The following ITGAM variants were observed in gnomAD, a reference collection of about 807,000 sequenced individuals.
ITGAM encodes integrin subunit alpha M, also known as integrin alpha-M.
In ITGAM, 79 loss-of-function variants were observed where a neutral mutation model predicts 137.5. The observed-to-expected ratio is 0.57, with a 90% confidence interval of 0.48 to 0.69. The LOEUF is 0.69. Ranked by LOEUF, ITGAM falls within the 30% of genes least tolerant of loss-of-function variation. ITGAM has a pLI of 0.00. For synonymous variants in ITGAM, 583 were observed against 592.3 expected, an observed-to-expected ratio of 0.98 and a Z score of 0.23; for missense variants, 1,343 against 1,483.5, an observed-to-expected ratio of 0.91 and a Z score of 1.56.
In ITGAM at chr16:31,297,793, C is replaced by T. The variant is rs1300218488; in HGVS notation, c.1546C>T (p.Pro516Ser). 6.2e-7 allele frequency: 1 copy of T among 1,608,304 alleles called. No individual in the cohort carries two copies. The change falls in exon 14 of 30, where the codon CCC becomes TCC. Residue 516 changes from proline to serine, a missense_variant. Transcript: ENST00000544665. ...DAVLYGEQGQPWGRFGAALTV... is the reference protein window; with the variant it reads ...DAVLYGEQGQSWGRFGAALTV... ...TGTTCTCTACGGGGAGCAGGGCCAA[C>T]CCTGGGGCCGCTTTGGGGCAGCCCT...
chr16:31,272,014 A>G (rs1596978621), intron 7 of ITGAM, 22 bp downstream of exon 7: 2 of 1,613,742 alleles, frequency 1.2e-6, no homozygotes, highest in East Asian at 4.5e-5. Flanking sequence ...CTTTTCCCTT[A>G]GGATGGAGGG....
intron 14 of ITGAM, among the ~76,000 whole-genome samples, chr16:31,306,809 C>T (rs541302271): frequency 1.8e-4 from 27 of 152,134 alleles, no homozygotes; most frequent in African/African-American, 5.8e-4. Flanking sequence ...CATGTCTGGC[C>T]GCAAAGTACT....
At chr16:31,292,497 T>C (rs1234952568) in intron 12 of ITGAM, among the ~76,000 whole-genome samples, 1 of 152,178 alleles carries the variant, frequency 6.6e-6, no homozygotes, top group African/African-American at 2.4e-5. Context: ...CTCCCACTAA[T>C]AAGTGAGAAC....
chr16:31,268,779 G>T (rs1296727916), intron 5 of ITGAM, among the ~76,000 whole-genome samples: 1 of 152,132 alleles, frequency 6.6e-6, no homozygotes, highest in Non-Finnish European at 1.5e-5. Context: ...GTTTGTCCCT[G>T]TAGTGCTGTT....
intron 14 of ITGAM, among the ~76,000 whole-genome samples, chr16:31,316,056 C>T (rs62051484): frequency 0.82 from 33,517 of 40,692 alleles, 14,060 homozygotes; most frequent in East Asian, 0.99. Context: ...TAGCCGGGCG[C>T]GGTGGCGGGC....
Position 31,324,456 on chromosome 16 carries a change from C to T in ITGAM, c.2060C>T (p.Ser687Phe), listed in dbSNP as rs778951144. 14 of 1,561,696 alleles carry T rather than the reference C, an allele frequency of 9.0e-6. No homozygotes were observed. The highest frequency in any genetic ancestry group is 1.9e-5 in the Admixed American group (1 of 51,724). The change falls in exon 17 of 30, where the codon TCC (serine) becomes TTC (phenylalanine). Residue 687 changes from serine to phenylalanine, a missense_variant. By Grantham distance (155) the Ser-to-Phe change is radical (BLOSUM62 -2). Transcript: ENST00000544665. This position sits in a 1 kb window ranked among gnomAD's most constrained non-coding sequence, Gnocchi z 4.5. ...DLALDSGRPHSRAVFNETKNS... is the reference protein window; with the variant it reads ...DLALDSGRPHFRAVFNETKNS... ...GCTCTGGACTCCGGCCGCCCACATT[C>T]CCGCGCCGTCTTCAATGAGACAAAG...
chr16:31,282,008 T>G (rs2079974829), intron 12 of ITGAM, among the ~76,000 whole-genome samples: 2 of 152,228 alleles, frequency 1.3e-5, no homozygotes, highest in Non-Finnish European at 2.9e-5. Flanking sequence ...GGTTGTTCAG[T>G]TTCCATGTAG....
At chr16:31,304,286 T>A (rs2080244564) in intron 14 of ITGAM, among the ~76,000 whole-genome samples, 1 of 152,216 alleles carries the variant, frequency 6.6e-6, no homozygotes, top group Non-Finnish European at 1.5e-5. Flanking sequence ...TCTATTCATA[T>A]CCTTTGCCTA....
At chr16:31,265,105 G>A (rs138855251) in intron 2 of ITGAM, among the ~76,000 whole-genome samples, 39 of 152,104 alleles carry the variant, frequency 2.6e-4, no homozygotes, top group African/African-American at 8.2e-4. Flanking sequence ...CTGAGCTCAG[G>A]CAATCCACCC....
At chr16:31,315,162 C>T (rs1246418278) in intron 14 of ITGAM, among the ~76,000 whole-genome samples, 1 of 151,964 alleles carries the variant, frequency 6.6e-6, no homozygotes, top group Non-Finnish European at 1.5e-5. Flanking sequence ...CTATTGAGTT[C>T]TTTATGTGTT....
chr16:31,303,654 C>G (rs1344142447), intron 14 of ITGAM, among the ~76,000 whole-genome samples: 1 of 152,112 alleles, frequency 6.6e-6, no homozygotes, highest in Non-Finnish European at 1.5e-5. Flanking sequence ...TCACTCTTGT[C>G]TTTGCATCCT....
chr16:31,329,944 C>G, intron 25 of ITGAM, 39 bp downstream of exon 25: 1 of 1,538,328 alleles, frequency 6.5e-7, no homozygotes, highest in South Asian at 1.2e-5. Context: ...CGGCCCTGCG[C>G]GTTCCTCTCA....
At chr16:31,284,993 C>T (rs1035300717) in intron 12 of ITGAM, among the ~76,000 whole-genome samples, 6 of 152,128 alleles carry the variant, frequency 3.9e-5, no homozygotes, top group Admixed American at 3.3e-4. Context: ...TTTATTCAGT[C>T]AGGAGCTACA....
Position 31,331,223 on chromosome 16 carries a change from G to C in ITGAM, c.3335G>C (p.Ser1112Thr), listed in dbSNP as rs773377351. Residue 1112 changes from serine to threonine, a missense_variant, in exon 29 of 30, where the codon AGC becomes ACC. Transcript: ENST00000544665. ...AACCCCCTGCCGCTCATCGTGGGCAGCTCTGTCGGGGGACTGCTGCTCCTG... is the reference window on the plus strand; with the variant it reads ...AACCCCCTGCCGCTCATCGTGGGCACCTCTGTCGGGGGACTGCTGCTCCTG... ...VPNPLPLIVGSSVGGLLLLAL... is the reference protein window; with the variant it reads ...VPNPLPLIVGTSVGGLLLLAL... 6.2e-7 allele frequency: 1 copy of C among 1,613,488 alleles called. No homozygotes were observed. The highest frequency in any genetic ancestry group is 1.7e-5 in the Admixed American group (1 of 59,996).
intron 7 of ITGAM, among the ~76,000 whole-genome samples, chr16:31,272,487 T>A (rs2079862543): frequency 4.7e-5 from 3 of 64,086 alleles, no homozygotes; most frequent in African/African-American, 1.7e-4. Context: ...TTTTTTTTTT[T>A]TTTTTTTTTT....
chr16:31,288,095 G>A (rs1317551219), intron 12 of ITGAM, among the ~76,000 whole-genome samples: 1 of 152,154 alleles, frequency 6.6e-6, no homozygotes. Flanking sequence ...AAGGCCTGAG[G>A]TGGAAGCACA....
chr16:31,275,748 A>C (rs1596984538), intron 9 of ITGAM, 49 bp downstream of exon 9: 1 of 1,598,126 alleles, frequency 6.3e-7, no homozygotes, highest in East Asian at 2.2e-5. Flanking sequence ...GCAGCCCCCC[A>C]CCCCAGAACA....
chr16:31,293,886 T>C (rs2080109090), intron 12 of ITGAM, among the ~76,000 whole-genome samples: 1 of 152,128 alleles, frequency 6.6e-6, no homozygotes, highest in Non-Finnish European at 1.5e-5. Flanking sequence ...TGTTTTACCA[T>C]TTTTTTGGTG....
At chr16:31,280,903 G>C (rs1391110769) in intron 12 of ITGAM, among the ~76,000 whole-genome samples, 2 of 152,122 alleles carry the variant, frequency 1.3e-5, no homozygotes, top group Non-Finnish European at 2.9e-5. Context: ...TCAATACCTA[G>C]TTTATTTAGA....
Sources: gnomAD v4.1 joint callset for allele counts (sites outside exome capture counted in the v4.1 genomes callset) on GRCh38, gnomAD v4.1.1 for gene constraint, Gnocchi (gnomAD v3.1) non-coding constraint, MANE v1.5 for transcripts, NCBI Gene and HGNC (gene_info 2026-07-23, HGNC 2026-07-21) for gene names.